Variants in CDH13 observed in about 807,000 individuals in gnomAD.
CDH13 encodes the protein cadherin-13.
A neutral mutation model predicts 63.8 loss-of-function variants in CDH13; 24 were observed. That is an observed-to-expected ratio of 0.38 (90% CI 0.27 to 0.53). The LOEUF is 0.53. Among genes scored for constraint, CDH13 ranks in the 20% least tolerant of loss-of-function variants. The probability of loss-of-function intolerance (pLI) is 0.85; values close to 1 mark genes in which losing one functional copy is unlikely to be tolerated. For missense variants in CDH13, 1,049 were observed against 903.1 expected, an observed-to-expected ratio of 1.16 and a Z score of -2.07; for synonymous variants, 503 against 355.3, an observed-to-expected ratio of 1.42 and a Z score of -4.67.
At chr16:82,760,915 C>T (rs547897373) in intron 1 of CDH13, among the ~76,000 whole-genome samples, 275 of 151,048 alleles carry the variant, frequency 1.8e-3, no homozygotes, top group Non-Finnish European at 2.8e-3. Context: ...CACTCATGAT[C>T]GCAGGGTTGG....
chr16:82,952,501 C>T (rs1215485321), intron 2 of CDH13, among the ~76,000 whole-genome samples: 1 of 152,168 alleles, frequency 6.6e-6, no homozygotes, highest in African/African-American at 2.4e-5. Flanking sequence ...CAGATCCCTA[C>T]AATAGGAGAA....
intron 2 of CDH13, chr16:82,954,616 C>T (rs571776838): frequency 2.3e-4 from 35 of 152,058 alleles, no homozygotes; most frequent in African/African-American, 8.0e-4. Flanking sequence ...TTTTAAACAA[C>T]AGCTTTATTG....
chr16:83,714,294 AGATT>A (rs1227558326), intron 10 of CDH13, among the ~76,000 whole-genome samples: 2 of 152,164 alleles, frequency 1.3e-5, no homozygotes. Flanking sequence ...TGTCCCTAAA[AGATT>A]GATTTTTATT....
chr16:82,736,297 T>G (rs1180822847), intron 1 of CDH13, among the ~76,000 whole-genome samples: 2 of 152,122 alleles, frequency 1.3e-5, no homozygotes, highest in Admixed American at 6.5e-5. Flanking sequence ...TGTTTAACTC[T>G]GGAGGTTAAG....
intron 6 of CDH13, among the ~76,000 whole-genome samples, chr16:83,364,188 T>C (rs1274252856): frequency 6.6e-6 from 1 of 152,210 alleles, no homozygotes; most frequent in African/African-American, 2.4e-5. Flanking sequence ...GGAAATTGAC[T>C]ATCTGGGATC....
intron 11 of CDH13, among the ~76,000 whole-genome samples, chr16:83,770,300 C>T (rs1597207160): frequency 2.0e-5 from 3 of 152,334 alleles, no homozygotes; most frequent in South Asian, 2.1e-4. Flanking sequence ...AAACTTCGAG[C>T]TCTGTGGCTC....
intron 1 of CDH13, among the ~76,000 whole-genome samples, chr16:82,735,648 G>A (rs2033634891): frequency 6.6e-6 from 1 of 152,210 alleles, no homozygotes; most frequent in African/African-American, 2.4e-5. Flanking sequence ...TCTATGAGCT[G>A]TGTGGGGTGA....
At position 82,794,184 on chromosome 16, in the gene CDH13, T is replaced by A. The variant is rs182712236; in HGVS notation, c.46-64178T>A. Among the ~76,000 whole-genome samples the A allele has an allele frequency of 1.3e-3, 167 of 129,116 alleles. 1 individual carries two copies. Among genetic ancestry groups the A allele is most frequent in the African/African-American group, 6.2e-3 (156 of 25,296 alleles). The allele number at this position is 129,116 out of a possible 152,430, so 84.7% of individuals were successfully genotyped here. The stretch of plus-strand genomic sequence containing the variant: ...TTGCAATTTTTTTTCTTTTCTTTTC[T>A]TTTTTTTTTTAGTTCATCAGCTGTC... On this transcript the variant is annotated intron_variant, in intron 1 of 13. Coordinates refer to ENST00000567109, the MANE Select transcript of CDH13 (RefSeq NM_001257.5).
intron 2 of CDH13, among the ~76,000 whole-genome samples, chr16:82,965,558 G>T (rs11150529): frequency 0.45 from 68,885 of 152,016 alleles, 15,852 homozygotes; most frequent in South Asian, 0.48. Context: ...TTGAGATGCA[G>T]TCTCACTCTG....
intron 2 of CDH13, among the ~76,000 whole-genome samples, chr16:82,997,557 C>T (rs186486969): frequency 1.4e-4 from 21 of 152,154 alleles, no homozygotes; most frequent in African/African-American, 3.6e-4. Context: ...ATTTACCTTC[C>T]CCTAATCCCA....
At chr16:83,680,072 A>G (rs948773497) in intron 10 of CDH13, among the ~76,000 whole-genome samples, 6 of 152,208 alleles carry the variant, frequency 3.9e-5, no homozygotes, top group African/African-American at 7.2e-5. Flanking sequence ...GGAGGACCCT[A>G]TGGATACTAT....
rs572650706 is a variant in CDH13, at chr16:83,373,756, G to A, written c.781+28750G>A. On this transcript the variant is annotated intron_variant, in intron 6 of 13. Transcript: ENST00000567109. ...ACCTTTCACTAGTTGAGGGATCTTC[G>A]ATAAAATACTTCACCTCCTTGAGAC... 5.9e-5 allele frequency among the ~76,000 whole-genome samples: 9 copies of A among 152,260 alleles called. No individual in the cohort carries two copies. The South Asian group carries it at 1.2e-3, about 21-fold the overall frequency.
At chr16:83,773,028 T>C (rs1914861392) in intron 11 of CDH13, 1 of 151,988 alleles carries the variant, frequency 6.6e-6, no homozygotes, top group African/African-American at 2.4e-5. Flanking sequence ...TGTGGGGAGG[T>C]TGGTCCATGT....
At chr16:83,325,278 G>T (rs2090334564) in intron 5 of CDH13, among the ~76,000 whole-genome samples, 1 of 152,130 alleles carries the variant, frequency 6.6e-6, no homozygotes, top group South Asian at 2.1e-4. Flanking sequence ...TCTATCTGTT[G>T]AATGAATAAA....
At chr16:83,460,805 C>A (rs555335128) in intron 6 of CDH13, among the ~76,000 whole-genome samples, 36 of 150,532 alleles carry the variant, frequency 2.4e-4, no homozygotes, top group African/African-American at 7.8e-4. Flanking sequence ...CAAGATCAGC[C>A]TGGGCAACAT....
chr16:82,985,406 A>G (rs932168413), intron 2 of CDH13, among the ~76,000 whole-genome samples: 2 of 152,226 alleles, frequency 1.3e-5, no homozygotes, highest in East Asian at 3.8e-4. Context: ...AGGAAAATAA[A>G]GTACCATCGA....
intron 2 of CDH13, among the ~76,000 whole-genome samples, chr16:82,915,249 T>C (rs967331365): frequency 1.3e-5 from 2 of 152,158 alleles, no homozygotes; most frequent in African/African-American, 2.4e-5. Flanking sequence ...AGGATATAGA[T>C]TTAATATCGC....
At position 83,429,917 on chromosome 16, in the gene CDH13, A is replaced by C. The variant is rs1454911278; in HGVS notation, c.782-56560A>C. On this transcript the variant is annotated intron_variant, in intron 6 of 13. Transcript: ENST00000567109. ...GAGCTAATTCAGCTTGCCTGGCTGA[A>C]AACTGATGCCCATTGATTATTAATT... is the stretch of plus-strand genomic sequence containing the variant. 2.6e-5 allele frequency among the ~76,000 whole-genome samples: 4 copies of C among 152,210 alleles called. No individual in the cohort carries two copies. In the South Asian group the frequency reaches 8.3e-4, roughly 32 times the overall value.
intron 6 of CDH13, among the ~76,000 whole-genome samples, chr16:83,382,334 G>C (rs1046397965): frequency 6.6e-6 from 1 of 152,138 alleles, no homozygotes; most frequent in Non-Finnish European, 1.5e-5. Context: ...AAATCCACAA[G>C]TACAATTTAA....
Sources: gnomAD v4.1 joint callset for allele counts (sites outside exome capture counted in the v4.1 genomes callset) on GRCh38, gnomAD v4.1.1 for gene constraint, MANE v1.5 for transcripts, NCBI Gene and HGNC (gene_info 2026-07-23, HGNC 2026-07-21) for gene names.